SPAG16: variants seen among roughly 807,000 people sequenced by gnomAD.
SPAG16 encodes sperm-associated antigen 16 protein.
Under a neutral mutation model 80.4 loss-of-function variants are expected in SPAG16, and 86 were observed. The ratio of observed to expected loss-of-function variants is 1.07; its 90% CI spans 0.90 to 1.28. SPAG16 has a LOEUF of 1.28. Ranked by LOEUF, SPAG16 falls within the 50% of genes most tolerant of loss-of-function variation. SPAG16 has a pLI of 0.00. For synonymous variants in SPAG16, 294 were observed against 265.9 expected, an observed-to-expected ratio of 1.11 and a Z score of -1.03; for missense variants, 870 against 765.3, an observed-to-expected ratio of 1.14 and a Z score of -1.61.
At chr2:214,378,733 C>T (rs946583107) in intron 15 of SPAG16, among the ~76,000 whole-genome samples, 7 of 152,176 alleles carry the variant, frequency 4.6e-5, no homozygotes, top group Non-Finnish European at 8.8e-5. Flanking sequence ...TTGCCATGCA[C>T]CACAAAGAAT....
chr2:213,503,318 G>A (rs1310817507), intron 10 of SPAG16, among the ~76,000 whole-genome samples: 5 of 152,122 alleles, frequency 3.3e-5, no homozygotes, highest in Non-Finnish European at 7.3e-5. Flanking sequence ...TTCTTTATGT[G>A]CCTCACCATC....
At chr2:214,231,405 T>A (rs148727619) in intron 15 of SPAG16, among the ~76,000 whole-genome samples, 1 of 151,964 alleles carries the variant, frequency 6.6e-6, no homozygotes, top group Non-Finnish European at 1.5e-5. Flanking sequence ...CAGAGTGAAC[T>A]GAGACAACCC....
intron 1 of SPAG16, among the ~76,000 whole-genome samples, chr2:213,294,973 G>T (rs2062438834): frequency 6.6e-6 from 1 of 152,066 alleles, no homozygotes; most frequent in Non-Finnish European, 1.5e-5. Flanking sequence ...TTAATACATG[G>T]AAAACACTTA....
rs1054430010 is a variant in SPAG16, at chr2:213,371,901, A to G, written c.833-3109A>G. On this transcript the variant is annotated intron_variant, in intron 8 of 15. Transcript: ENST00000331683. ...CATACAAAGATAATATTAATGCTTTATTACCTAATCTGATCTGAAAAGAGT... is the reference window on the plus strand; with the variant it reads ...CATACAAAGATAATATTAATGCTTTGTTACCTAATCTGATCTGAAAAGAGT... Among the ~76,000 whole-genome samples the G allele has an allele frequency of 5.3e-5, 8 of 152,296 alleles. No individual in the cohort carries two copies. The East Asian group carries it at 1.2e-3, about 22-fold the overall frequency.
intron 10 of SPAG16, among the ~76,000 whole-genome samples, chr2:213,543,867 A>G (rs1326665995): frequency 5.9e-5 from 9 of 152,226 alleles, no homozygotes; most frequent in Non-Finnish European, 1.2e-4. Context: ...AATTGTGTTG[A>G]ATTTATAAGT....
intron 13 of SPAG16, among the ~76,000 whole-genome samples, chr2:214,028,881 T>A (rs1231608651): frequency 6.6e-6 from 1 of 152,112 alleles, no homozygotes; most frequent in Non-Finnish European, 1.5e-5. Flanking sequence ...ATACAATCAA[T>A]CATTCAACAC....
chr2:213,889,915 A>G (rs931823624), intron 11 of SPAG16, among the ~76,000 whole-genome samples: 2 of 151,856 alleles, frequency 1.3e-5, no homozygotes, highest in Non-Finnish European at 2.9e-5. Flanking sequence ...TCTGAATATA[A>G]TACTGTAAAA....
chr2:214,099,083 T>A (rs2052807123), intron 13 of SPAG16, among the ~76,000 whole-genome samples: 1 of 152,072 alleles, frequency 6.6e-6, no homozygotes, highest in East Asian at 1.9e-4. Context: ...TTAGATAGGT[T>A]TAAAACCCAC....
At chr2:213,660,526 G>T (rs1280710925) in intron 10 of SPAG16, among the ~76,000 whole-genome samples, 1 of 152,108 alleles carries the variant, frequency 6.6e-6, no homozygotes, top group African/African-American at 2.4e-5. Context: ...ATGTCTGGGG[G>T]CCAGGATTTA....
At chr2:213,367,324 A>G (rs1241560453) in intron 8 of SPAG16, among the ~76,000 whole-genome samples, 2 of 151,962 alleles carry the variant, frequency 1.3e-5, no homozygotes, top group Non-Finnish European at 2.9e-5. Flanking sequence ...TCGCTGGGTC[A>G]AATGGTATTT....
chr2:213,324,519 T>C (rs951540240), intron 5 of SPAG16, among the ~76,000 whole-genome samples: 1 of 152,160 alleles, frequency 6.6e-6, no homozygotes, highest in Non-Finnish European at 1.5e-5. Flanking sequence ...CAGTATATTA[T>C]TGTGTTTGGC....
chr2:213,642,278 C>A (rs1043097882), intron 10 of SPAG16, among the ~76,000 whole-genome samples: 6 of 152,184 alleles, frequency 3.9e-5, no homozygotes, highest in African/African-American at 1.4e-4. Context: ...GTTCTTGGAG[C>A]AAAAGTTCAC....
At chr2:213,902,346 A>C (rs907748351) in intron 11 of SPAG16, among the ~76,000 whole-genome samples, 2 of 152,166 alleles carry the variant, frequency 1.3e-5, no homozygotes, top group Non-Finnish European at 1.5e-5. Context: ...TGAGACTGGG[A>C]AGAAAAAGAG....
chr2:214,319,968 G>A (rs1234647076), intron 15 of SPAG16, among the ~76,000 whole-genome samples: 1 of 152,050 alleles, frequency 6.6e-6, no homozygotes, highest in East Asian at 1.9e-4. Flanking sequence ...ATCTTAAAAT[G>A]TTACTCTAGC....
intron 10 of SPAG16, among the ~76,000 whole-genome samples, chr2:213,712,908 G>A (rs1022350646): frequency 4.6e-5 from 7 of 152,152 alleles, no homozygotes; most frequent in Admixed American, 2.0e-4. Context: ...ATACTGCTAC[G>A]AAGAAATACC....
intron 9 of SPAG16, among the ~76,000 whole-genome samples, chr2:213,468,642 T>A (rs1403398305): frequency 6.8e-6 from 1 of 146,448 alleles, no homozygotes; most frequent in Non-Finnish European, 1.5e-5. Context: ...AAATAATATC[T>A]CCTATATCTC....
At chr2:213,873,562 C>T (rs1575423210) in intron 11 of SPAG16, among the ~76,000 whole-genome samples, 1 of 151,528 alleles carries the variant, frequency 6.6e-6, no homozygotes, top group African/African-American at 2.4e-5. Context: ...TTTCTACTTG[C>T]TTAAGATAGA....
intron 15 of SPAG16, among the ~76,000 whole-genome samples, chr2:214,201,067 T>A (rs937866887): frequency 2.0e-5 from 3 of 152,164 alleles, no homozygotes; most frequent in African/African-American, 7.2e-5. Flanking sequence ...GGTGTCAATA[T>A]CAAAGGGACA....
chr2:213,941,353 TAATG>T (rs1302528042), intron 12 of SPAG16, among the ~76,000 whole-genome samples: 1 of 152,172 alleles, frequency 6.6e-6, no homozygotes, highest in African/African-American at 2.4e-5. Context: ...TTATAACTTG[TAATG>T]AATGTTAAGC....
Sources: allele counts gnomAD v4.1 joint callset (sites outside exome capture counted in the v4.1 genomes callset), GRCh38; gene constraint gnomAD v4.1.1; transcripts MANE v1.5; gene names NCBI Gene and HGNC (gene_info 2026-07-23, HGNC 2026-07-21).